The following GALNT13 variants were observed in gnomAD, a reference collection of about 807,000 sequenced individuals.
GALNT13 encodes the protein UDP-GalNAc:polypeptide N-acetylgalactosaminyltransferase 13.
Under a neutral mutation model 64.2 loss-of-function variants are expected in GALNT13, and 28 were observed. The ratio of observed to expected loss-of-function variants is 0.44; its 90% CI spans 0.32 to 0.60. The LOEUF is 0.60. GALNT13 is among the 20% of genes least tolerant of loss of function. GALNT13 has a pLI of 0.05. For synonymous variants in GALNT13, 214 were observed against 224.6 expected (o/e 0.95, Z 0.42); for missense variants, 577 against 669.8 (o/e 0.86, Z 1.53).
At chr2:153,643,971 C>G in the GALNT13 span, among the ~76,000 whole-genome samples, 1 of 151,918 alleles carries the variant, frequency 6.6e-6, no homozygotes, top group South Asian at 2.1e-4. Context: ...TAGCTGTTCT[C>G]TTTAACATTC....
chr2:153,543,883 C>T, the GALNT13 span, among the ~76,000 whole-genome samples: 1 of 152,112 alleles, frequency 6.6e-6, no homozygotes, highest in Non-Finnish European at 1.5e-5. Context: ...AAAGTAGTTC[C>T]CCACTTCTGC....
chr2:154,229,682 G>A (rs779523290), intron 4 of GALNT13, among the ~76,000 whole-genome samples: 7 of 152,200 alleles, frequency 4.6e-5, no homozygotes, highest in South Asian at 2.1e-4. Context: ...GGTAATATAC[G>A]TGAGTTCTGC....
At chr2:153,597,084 C>T in the GALNT13 span, among the ~76,000 whole-genome samples, 1 of 152,132 alleles carries the variant, frequency 6.6e-6, no homozygotes, top group African/African-American at 2.4e-5. Context: ...TTCTATTCTA[C>T]AACAGTTTTT....
chr2:153,974,919 G>A (rs1693980655), intron 3 of GALNT13, among the ~76,000 whole-genome samples: 1 of 151,884 alleles, frequency 6.6e-6, no homozygotes, highest in Non-Finnish European at 1.5e-5. Flanking sequence ...AAATCTGAAT[G>A]TTTTTTCTTA....
the GALNT13 span, among the ~76,000 whole-genome samples, chr2:153,641,504 C>T: frequency 1.3e-5 from 2 of 152,250 alleles, no homozygotes; most frequent in African/African-American, 4.8e-5. Flanking sequence ...TTCTCCCCAT[C>T]CCATTTGGAA....
the GALNT13 span, among the ~76,000 whole-genome samples, chr2:153,219,700 T>TA: frequency 6.6e-6 from 1 of 152,332 alleles, no homozygotes; most frequent in African/African-American, 2.4e-5. Flanking sequence ...TGAGGACAAC[T>TA]AGTTATCACA....
chr2:154,186,569 A>C (rs1686263508), intron 4 of GALNT13, among the ~76,000 whole-genome samples: 1 of 152,158 alleles, frequency 6.6e-6, no homozygotes, highest in Non-Finnish European at 1.5e-5. Context: ...ATCAGTACAA[A>C]TGTCAACTCT....
chr2:153,478,862 G>T, the GALNT13 span: 1 of 370,048 alleles, frequency 2.7e-6, no homozygotes. Flanking sequence ...GCCGTGGGAG[G>T]TGCGGGCCGC....
intron 3 of GALNT13, among the ~76,000 whole-genome samples, chr2:154,119,681 T>C (rs550752109): frequency 2.0e-5 from 3 of 152,266 alleles, no homozygotes; most frequent in African/African-American, 7.2e-5. Flanking sequence ...CACTCACTGA[T>C]CCTTTGATTT....
the GALNT13 span, among the ~76,000 whole-genome samples, chr2:153,698,422 GA>G: frequency 1.3e-5 from 2 of 150,262 alleles, no homozygotes; most frequent in African/African-American, 2.4e-5. Flanking sequence ...CAAATAGAAA[GA>G]AAAAAAAGGC....
intron 3 of GALNT13, among the ~76,000 whole-genome samples, chr2:153,963,731 CTGTGTGTGTGTGTGTGTGTGTGTGTGTG>C (rs58455059): frequency 9.9e-6 from 1 of 100,804 alleles, no homozygotes; most frequent in South Asian, 3.8e-4. Flanking sequence ...CTCTCTCTCT[CTGTGTGTGTGTGTGTGTGTGTGTGTGTG>C]TGTGTGTGTG....
the GALNT13 span, among the ~76,000 whole-genome samples, chr2:153,105,561 T>C: frequency 6.6e-6 from 1 of 152,080 alleles, no homozygotes; most frequent in Admixed American, 6.6e-5. Flanking sequence ...GGCGTTCAAT[T>C]AGGAAAAGAG....
At chr2:153,762,990 T>C in the GALNT13 span, among the ~76,000 whole-genome samples, 1 of 151,964 alleles carries the variant, frequency 6.6e-6, no homozygotes, top group Admixed American at 6.6e-5. Flanking sequence ...TTAACTTTGA[T>C]TGCATTTGCT....
chr2:154,340,899 AGTGTGTGTGT>A (rs57448184), intron 9 of GALNT13, among the ~76,000 whole-genome samples: 1 of 149,202 alleles, frequency 6.7e-6, no homozygotes, highest in Non-Finnish European at 1.5e-5. Flanking sequence ...TGTGTGTATG[AGTGTGTGTGT>A]GTGTGTGTGT....
At chr2:153,588,632 G>A in the GALNT13 span, among the ~76,000 whole-genome samples, 1 of 152,218 alleles carries the variant, frequency 6.6e-6, no homozygotes, top group African/African-American at 2.4e-5. Context: ...GTGATTGGAG[G>A]AGCTGCCTTG....
chr2:153,176,118 A>T, the GALNT13 span, among the ~76,000 whole-genome samples: 1 of 152,198 alleles, frequency 6.6e-6, no homozygotes, highest in Admixed American at 6.5e-5. Flanking sequence ...TATTTCAAGG[A>T]AGAGGAAATA....
At chr2:153,619,845 T>C in the GALNT13 span, among the ~76,000 whole-genome samples, 1 of 152,144 alleles carries the variant, frequency 6.6e-6, no homozygotes, top group East Asian at 1.9e-4. Context: ...GTTATTTGTT[T>C]CTTTTCTCTT....
intron 3 of GALNT13, among the ~76,000 whole-genome samples, chr2:154,087,994 TTA>T (rs1553476086): frequency 1.3e-5 from 2 of 152,096 alleles, no homozygotes; most frequent in Non-Finnish European, 2.9e-5. Context: ...ATGGAATTTG[TTA>T]TGTGTTTCTG....
the GALNT13 span, among the ~76,000 whole-genome samples, chr2:153,101,196 G>A: frequency 1.3e-5 from 2 of 152,054 alleles, no homozygotes; most frequent in Non-Finnish European, 2.9e-5. Context: ...GAACACAATT[G>A]CTTTGTGTGA....
Sources: allele counts gnomAD v4.1 joint callset (sites outside exome capture counted in the v4.1 genomes callset), GRCh38; gene constraint gnomAD v4.1.1; transcripts MANE v1.5; gene names NCBI Gene and HGNC (gene_info 2026-07-23, HGNC 2026-07-21).